Variants in CACNB2 observed in about 807,000 individuals in gnomAD.
CACNB2 encodes calcium voltage-gated channel auxiliary subunit beta 2.
A neutral mutation model predicts 73.3 loss-of-function variants in CACNB2; 42 were observed. That is an observed-to-expected ratio of 0.57 (90% CI 0.45 to 0.74). The LOEUF is 0.74. CACNB2 is among the 30% of genes least tolerant of loss of function. CACNB2 has a pLI of 0.00. For missense variants in CACNB2, 940 were observed against 853.0 expected (o/e 1.10, Z -1.27); for synonymous variants, 348 against 310.3 (o/e 1.12, Z -1.28).
chr10:18,314,674 A>ATGG, intron 2 of CACNB2, among the ~76,000 whole-genome samples: 1 of 152,196 alleles, frequency 6.6e-6, no homozygotes, highest in African/African-American at 2.4e-5. Context: ...TGTCTGCCAT[A>ATGG]CAGCAAAACA....
intron 2 of CACNB2, chr10:18,260,747 C>G: frequency 1.0e-6 from 1 of 999,926 alleles, no homozygotes; most frequent in Non-Finnish European, 1.2e-6. Context: ...CAATCATAGG[C>G]GAGCAGCCGC....
intron 2 of CACNB2, among the ~76,000 whole-genome samples, chr10:18,339,450 G>A (rs933587463): frequency 2.0e-5 from 3 of 152,150 alleles, no homozygotes; most frequent in African/African-American, 4.8e-5. Flanking sequence ...GAACCTGAGA[G>A]GCAGAGGTTG....
At chr10:18,231,626 A>G (rs1054978652) in intron 2 of CACNB2, among the ~76,000 whole-genome samples, 15 of 152,234 alleles carry the variant, frequency 9.9e-5, no homozygotes, top group Non-Finnish European at 2.1e-4. Context: ...ATGGCGCCTT[A>G]TAGAAACTTG....
Position 18,511,342 on chromosome 10 carries a change from A to G in CACNB2, c.671-2894A>G, listed in dbSNP as rs541738174. Among the ~76,000 whole-genome samples the G allele has an allele frequency of 5.1e-4, 78 of 152,330 alleles. 1 individual carries two copies. Among genetic ancestry groups the G allele is most frequent in the African/African-American group, 1.8e-3 (76 of 41,576 alleles). ...CCATCACAGGTTTCCTACCTCACCA[A>G]ATGAAAAGGAATAATTAAATAAGAG... is the stretch of plus-strand genomic sequence containing the variant. On this transcript the variant is annotated intron_variant, in intron 6 of 13. Transcript: ENST00000324631.
intron 2 of CACNB2, chr10:18,261,231 T>C (rs1237867367): frequency 1.3e-6 from 2 of 1,550,496 alleles, no homozygotes; most frequent in Middle Eastern, 2.0e-4. Flanking sequence ...CAGTGCAGCT[T>C]GGTGAAGCCA....
At chr10:18,519,762 T>C (rs1363565562) in intron 9 of CACNB2, 2 of 456,172 alleles carry the variant, frequency 4.4e-6, no homozygotes, top group Admixed American at 4.7e-5. Context: ...CCTTCCACTT[T>C]CTTCAGCCTA....
intron 2 of CACNB2, among the ~76,000 whole-genome samples, chr10:18,283,774 T>A (rs994789853): frequency 5.9e-5 from 9 of 152,070 alleles, no homozygotes; most frequent in Admixed American, 1.3e-4. Context: ...CATATGTAAC[T>A]AACCTGCACA....
intron 7 of CACNB2, among the ~76,000 whole-genome samples, chr10:18,516,539 T>C (rs2051300030): frequency 6.6e-6 from 1 of 152,224 alleles, no homozygotes; most frequent in Non-Finnish European, 1.5e-5. Flanking sequence ...GAAAAGGTGT[T>C]CTTACACCGC....
At chr10:18,278,240 G>A (rs2038382443) in intron 2 of CACNB2, among the ~76,000 whole-genome samples, 1 of 152,176 alleles carries the variant, frequency 6.6e-6, no homozygotes, top group African/African-American at 2.4e-5. Context: ...AGCATTTTGG[G>A]AGGCCAAGGC....
At chr10:18,290,122 T>TC in intron 2 of CACNB2, among the ~76,000 whole-genome samples, 1 of 127,640 alleles carries the variant, frequency 7.8e-6, no homozygotes, top group South Asian at 2.7e-4. Flanking sequence ...CTTTTTTTTT[T>TC]TTTTTTTTTT....
intron 2 of CACNB2, among the ~76,000 whole-genome samples, chr10:18,378,521 G>A (rs890459122): frequency 6.6e-6 from 1 of 152,190 alleles, no homozygotes. Context: ...GGCTAAGGCA[G>A]GGGGATCACT....
intron 2 of CACNB2, among the ~76,000 whole-genome samples, chr10:18,177,360 C>A (rs1479504035): frequency 6.6e-6 from 1 of 151,652 alleles, no homozygotes; most frequent in Non-Finnish European, 1.5e-5. Flanking sequence ...TGGCTCATGC[C>A]TATAATCCCA....
Position 18,220,241 on chromosome 10 carries a change from A to AGTTGGGGG in CACNB2, c.213+69267_213+69268insTTGGGGGG, listed in dbSNP as rs1476433166. ...TATATATATATATATATAGAGAGAG[A>AGTTGGGGG]GAGAGAGAGAGAGAGAGAGAGAGAG... On this transcript the variant is annotated intron_variant, in intron 2 of 13. Coordinates refer to ENST00000324631, the MANE Select transcript of CACNB2 (RefSeq NM_201596.3). Among the ~76,000 whole-genome samples the AGTTGGGGG allele has an allele frequency of 6.1e-4, 50 of 81,798 alleles. 3 individuals carry two copies. Among genetic ancestry groups the AGTTGGGGG allele is most frequent in the African/African-American group, 2.8e-3 (40 of 14,052 alleles). The allele number at this position is 81,798 out of a possible 152,430, so 53.7% of individuals were successfully genotyped here. A position where few individuals can be genotyped will look rare whatever the true frequency, so the allele number is the denominator to read the frequency against.
chr10:18,361,086 G>A (rs993520528), intron 2 of CACNB2, among the ~76,000 whole-genome samples: 1 of 151,850 alleles, frequency 6.6e-6, no homozygotes, highest in Non-Finnish European at 1.5e-5. Flanking sequence ...TCTACTAAAT[G>A]TGTGTGTTCC....
chr10:18,518,371 C>T lies in CACNB2; in HGVS notation c.840C>T (p.Ser280=), dbSNP rs755781519. The change falls in exon 8 of 14, where the codon TCC becomes TCT. Residue 280 remains serine, a synonymous_variant. Coordinates refer to ENST00000324631, the MANE Select transcript of CACNB2 (RefSeq NM_201596.3). ...CTCCTCCGTATGATGTGGTACCTTC[C>T]ATGCGACCAGTGGTCCTAGTGGGCC... The part of the protein sequence containing the change: ...EHTPPYDVVP[S]MRPVVLVGPS... 8.7e-6 allele frequency: 14 copies of T among 1,613,662 alleles called. No homozygotes were observed. The highest frequency in any genetic ancestry group is 1.1e-5 in the Non-Finnish European group (13 of 1,179,698).
chr10:18,272,072 T>C (rs987180991), intron 2 of CACNB2, among the ~76,000 whole-genome samples: 4 of 151,982 alleles, frequency 2.6e-5, no homozygotes, highest in African/African-American at 7.2e-5. Context: ...TTCCAGTGAG[T>C]CTGTGAAGCT....
chr10:18,506,046 T>G (rs2050472835), intron 5 of CACNB2, among the ~76,000 whole-genome samples: 1 of 152,212 alleles, frequency 6.6e-6, no homozygotes, highest in African/African-American at 2.4e-5. Flanking sequence ...AGTGTACTAT[T>G]AATAAAATAA....
chr10:18,515,773 C>A (rs2051214239), intron 7 of CACNB2, among the ~76,000 whole-genome samples: 1 of 152,194 alleles, frequency 6.6e-6, no homozygotes, highest in African/African-American at 2.4e-5. Context: ...CATTCAGAAG[C>A]TTAGAAAATC....
chr10:18,313,493 T>G (rs1376349041), intron 2 of CACNB2, among the ~76,000 whole-genome samples: 2 of 152,010 alleles, frequency 1.3e-5, no homozygotes, highest in African/African-American at 4.8e-5. Flanking sequence ...GCTGTGTATT[T>G]TTTTAAATCT....
Sources: gnomAD v4.1 joint callset for allele counts (sites outside exome capture counted in the v4.1 genomes callset) on GRCh38, gnomAD v4.1.1 for gene constraint, MANE v1.5 for transcripts, NCBI Gene and HGNC (gene_info 2026-07-23, HGNC 2026-07-21) for gene names.